The following TMEM178B variants were observed in gnomAD, a reference collection of about 807,000 sequenced individuals.
TMEM178B encodes the protein transmembrane protein 178B.
Under a neutral mutation model 31.0 loss-of-function variants are expected in TMEM178B, and 5 were observed. The observed-to-expected ratio is 0.16, with a 90% confidence interval of 0.08 to 0.34. The LOEUF (loss-of-function observed/expected upper bound fraction) is 0.34, where lower values mean the gene tolerates loss of function less well. TMEM178B is among the 10% of genes least tolerant of loss of function. The pLI is 1.00. For synonymous variants in TMEM178B, 164 were observed against 164.0 expected (o/e 1.00, Z 0.00); for missense variants, 275 against 400.3 (o/e 0.69, Z 2.67).
At chr7:141,100,853 A>G (rs1408684842) in intron 1 of TMEM178B, among the ~76,000 whole-genome samples, 2 of 152,182 alleles carry the variant, frequency 1.3e-5, no homozygotes, top group Non-Finnish European at 2.9e-5. Flanking sequence ...GGCATTCCAA[A>G]TGTCTTCTGA....
chr7:141,485,306 C>T (rs1345030576), downstream of TMEM178B, among the ~76,000 whole-genome samples: 1 of 152,224 alleles, frequency 6.6e-6, no homozygotes, highest in East Asian at 1.9e-4. Flanking sequence ...GACAGTTTAA[C>T]TCACGGTTAC....
chr7:141,167,529 T>C (rs1273679759), intron 1 of TMEM178B, among the ~76,000 whole-genome samples: 1 of 152,256 alleles, frequency 6.6e-6, no homozygotes, highest in Non-Finnish European at 1.5e-5. Flanking sequence ...TTTAATCACG[T>C]CACCGTGTAC....
chr7:141,470,820 A>T lies in TMEM178B; in HGVS notation c.*34A>T. 4 of 910,344 alleles carry T rather than the reference A, an allele frequency of 4.4e-6. No homozygotes were observed. Among genetic ancestry groups the T allele is most frequent in the Non-Finnish European group, 5.5e-6 (4 of 732,348 alleles). 56.4% of individuals were successfully genotyped at this position (910,344 alleles called of 1,614,324 possible). A position where few individuals can be genotyped will look rare whatever the true frequency, so the allele number is the denominator to read the frequency against. ...CCCATACATACATATATATATATAA[A>T]TATATATATATAATATACATATATA... is the stretch of plus-strand genomic sequence containing the variant. On this transcript the variant is annotated 3_prime_UTR_variant, in exon 4 of 4. Transcript: ENST00000565468.
chr7:141,399,224 G>A (rs1800710746), intron 2 of TMEM178B, among the ~76,000 whole-genome samples: 1 of 152,138 alleles, frequency 6.6e-6, no homozygotes. Flanking sequence ...TCAAAGCACG[G>A]CACAGGCCAG....
chr7:141,300,719 A>G (rs1027289065), intron 2 of TMEM178B, among the ~76,000 whole-genome samples: 5 of 152,156 alleles, frequency 3.3e-5, no homozygotes, highest in Non-Finnish European at 7.4e-5. Flanking sequence ...TTGTTGACCT[A>G]CACAGGATAG....
chr7:141,330,729 A>T (rs567958106), intron 2 of TMEM178B, among the ~76,000 whole-genome samples: 1 of 152,332 alleles, frequency 6.6e-6, no homozygotes, highest in African/African-American at 2.4e-5. Flanking sequence ...TTTGCAAAGA[A>T]GAATGATGTG....
At chr7:141,359,772 C>A (rs1799885306) in intron 2 of TMEM178B, among the ~76,000 whole-genome samples, 1 of 152,178 alleles carries the variant, frequency 6.6e-6, no homozygotes, top group Non-Finnish European at 1.5e-5. Context: ...TGTTTTCATG[C>A]TGCTGATAAA....
intron 1 of TMEM178B, among the ~76,000 whole-genome samples, chr7:141,075,744 C>G (rs768477491): frequency 6.6e-6 from 1 of 152,100 alleles, no homozygotes; most frequent in Non-Finnish European, 1.5e-5. Flanking sequence ...ATGGTGATGT[C>G]AAGGTGACAA....
chr7:141,212,558 C>T (rs967074175), intron 1 of TMEM178B, 33 bp from the exon 2 acceptor site: 3 of 1,519,294 alleles, frequency 2.0e-6, no homozygotes, highest in Non-Finnish European at 2.7e-6. Flanking sequence ...TTGCTGCTTC[C>T]TTAACATTTT....
intron 2 of TMEM178B, among the ~76,000 whole-genome samples, chr7:141,424,140 G>T (rs1801270820): frequency 6.6e-6 from 1 of 152,064 alleles, no homozygotes; most frequent in Non-Finnish European, 1.5e-5. Flanking sequence ...TATAAGTTTT[G>T]TTTGAGATTC....
At chr7:141,308,825 G>C (rs187544883) in intron 2 of TMEM178B, among the ~76,000 whole-genome samples, 1 of 152,156 alleles carries the variant, frequency 6.6e-6, no homozygotes, top group Non-Finnish European at 1.5e-5. Flanking sequence ...CCAGGACCCC[G>C]GCTCCTGAAT....
At chr7:141,239,438 G>T (rs546573709) in intron 2 of TMEM178B, among the ~76,000 whole-genome samples, 48 of 152,212 alleles carry the variant, frequency 3.2e-4, no homozygotes, top group African/African-American at 1.1e-3. Context: ...TTATGAAGTT[G>T]GTCACTTCGT....
chr7:141,450,448 T>A (rs1801842833), intron 3 of TMEM178B, among the ~76,000 whole-genome samples: 1 of 152,226 alleles, frequency 6.6e-6, no homozygotes, highest in African/African-American at 2.4e-5. Flanking sequence ...ATATATTAGC[T>A]GTTTTCTTTT....
intron 2 of TMEM178B, among the ~76,000 whole-genome samples, chr7:141,434,822 A>G (rs920060713): frequency 4.6e-5 from 7 of 152,144 alleles, no homozygotes; most frequent in Non-Finnish European, 1.0e-4. Context: ...TTAGATCAAC[A>G]TTTTTAGGTC....
At chr7:141,311,174 G>A (rs528925087) in intron 2 of TMEM178B, among the ~76,000 whole-genome samples, 1 of 152,306 alleles carries the variant, frequency 6.6e-6, no homozygotes, top group Admixed American at 6.5e-5. Flanking sequence ...AGAGCATCGG[G>A]ATAACTAGCC....
intron 2 of TMEM178B, among the ~76,000 whole-genome samples, chr7:141,239,441 C>T (rs1433820357): frequency 1.3e-5 from 2 of 152,128 alleles, no homozygotes; most frequent in African/African-American, 4.8e-5. Context: ...TGAAGTTGGT[C>T]ACTTCGTACC....
chr7:141,497,199 G>C, the TMEM178B span, among the ~76,000 whole-genome samples: 62 of 152,330 alleles, frequency 4.1e-4, no homozygotes, highest in Non-Finnish European at 7.8e-4. Context: ...TTCACAGAGA[G>C]AGACCTCAGG....
At chr7:141,443,123 A>T (rs1178717560) in intron 3 of TMEM178B, among the ~76,000 whole-genome samples, 2 of 152,172 alleles carry the variant, frequency 1.3e-5, no homozygotes, top group African/African-American at 4.8e-5. Context: ...TTGATTTTTA[A>T]TAGACCTTAT....
In TMEM178B at chr7:141,225,207, C is replaced by T. The variant is rs538936158; in HGVS notation, c.496+12503C>T. ...TGCTCTTTCCTTACCGCCAGGGAGC[C>T]CCACACATATCTCGTGCGGCAGGCC... On this transcript the variant is annotated intron_variant, in intron 2 of 3. Transcript: ENST00000565468. Among the ~76,000 whole-genome samples the T allele has an allele frequency of 1.5e-4, 23 of 152,242 alleles. No individual in the cohort carries two copies. In the East Asian group the frequency reaches 4.3e-3, roughly 28 times the overall value.
Sources: allele counts gnomAD v4.1 joint callset (sites outside exome capture counted in the v4.1 genomes callset), GRCh38; gene constraint gnomAD v4.1.1; transcripts MANE v1.5; gene names NCBI Gene and HGNC (gene_info 2026-07-23, HGNC 2026-07-21).